DNAJB8: variants seen among roughly 807,000 people sequenced by gnomAD.
DNAJB8 encodes the protein DnaJ heat shock protein family (Hsp40) member B8, also known as dnaJ homolog subfamily B member 8.
For synonymous variants in DNAJB8, 127 were observed against 127.1 expected (o/e 1.00, Z 0.00); for missense variants, 354 against 318.9 (o/e 1.11, Z -0.84).
rs530823225 is a variant in DNAJB8 at position 128,462,479 on chromosome 3, C to T, written c.*68G>A. On this transcript the variant is annotated 3_prime_UTR_variant, in exon 3 of 3. Transcript: ENST00000319153. Reference sequence around the variant, plus strand: ...TTTATTAACCATCAGGCTATGTCTGCGGCCCCACGTGTTTGCTGCCCCATG... The same window carrying T: ...TTTATTAACCATCAGGCTATGTCTGTGGCCCCACGTGTTTGCTGCCCCATG... 3.0e-5 allele frequency: 45 copies of T among 1,487,292 alleles called. No homozygotes were observed. The highest frequency in any genetic ancestry group is 1.3e-4 in the South Asian group (10 of 79,384). The allele number at this position is 1,487,292 out of a possible 1,614,324, so 92.1% of individuals were successfully genotyped here.
rs370064517 is a variant in DNAJB8 at position 128,463,176 on chromosome 3, G to T, written c.70C>A (p.Arg24Ser). ...GGGTGCCAACGAAGGGCCAGCTTGC[G>T]GTAGGCTTTCTTGATGTCCTCCGGG... ...ASPEDIKKAY[R>S]KLALRWHPDK... Residue 24 changes from arginine (R) to serine (S), a missense_variant, in exon 3 of 3, where the codon CGC becomes AGC. Coordinates refer to ENST00000319153, the MANE Select transcript of DNAJB8 (RefSeq NM_153330.6). 9 of 1,614,068 alleles carry T rather than the reference G, an allele frequency of 5.6e-6. No homozygotes were observed. Among genetic ancestry groups the T allele is most frequent in the Non-Finnish European group, 7.6e-6 (9 of 1,180,034 alleles).
chr3:128,463,405 T>A lies in DNAJB8; in HGVS notation c.-160A>T. 1.6e-6 allele frequency: 1 copy of A among 628,668 alleles called. No individual in the cohort carries two copies. Among genetic ancestry groups the A allele is most frequent in the Non-Finnish European group, 2.8e-6 (1 of 360,838 alleles). The allele number at this position is 628,668 out of a possible 1,614,324, so 38.9% of individuals were successfully genotyped here. A position where few individuals can be genotyped will look rare whatever the true frequency, so the allele number is the denominator to read the frequency against. ...CTCTAGGCAAGATTCTGCCCAGGAG[T>A]TCACCTTTTCGTAGTACCAATTCTC... On this transcript the variant is annotated 5_prime_UTR_variant, in exon 3 of 3. Transcript: ENST00000319153.
At position 128,463,396 on chromosome 3, in the gene DNAJB8, G is replaced by GC. The variant is rs930377532; in HGVS notation, c.-152dup. The GC allele has an allele frequency of 2.4e-5, 16 of 659,342 alleles. No individual in the cohort carries two copies. In the African/African-American group the frequency reaches 2.9e-4, roughly 12 times the overall value. The allele number at this position is 659,342 out of a possible 1,614,324, so 40.8% of individuals were successfully genotyped here. A position where few individuals can be genotyped will look rare whatever the true frequency, so the allele number is the denominator to read the frequency against. ...CTCCGCAAGCTCTAGGCAAGATTCT[G>GC]CCCAGGAGTTCACCTTTTCGTAGTA... On this transcript the variant is annotated 5_prime_UTR_variant, in exon 3 of 3. Transcript: ENST00000319153.
rs781035565 is a variant in DNAJB8 at position 128,462,971 on chromosome 3, G to C, written c.275C>G (p.Thr92Ser). The change falls in exon 3 of 3, where the codon ACC (threonine) becomes AGC (serine). Residue 92 changes from threonine to serine, a missense_variant. Transcript: ENST00000319153. The part of the protein sequence containing the change: ...PYHSPFDTGY[T>S]FRNPEDIFRE... ...GAAGATGTCCTCAGGGTTACGGAAG[G>C]TGTAGCCGGTGTCGAAGGGGCTGTG... The C allele has an allele frequency of 5.0e-6, 8 of 1,614,146 alleles. No homozygotes were observed. In the East Asian group the frequency reaches 1.6e-4, roughly 31 times the overall value.
chr3:128,466,540 T>A (rs2068514958), intron 1 of DNAJB8, 74 bp downstream of exon 1: 1 of 152,540 alleles, frequency 6.6e-6, no homozygotes, highest in African/African-American at 2.4e-5. Context: ...CTGGTGTGAG[T>A]GCCGATGGCG....
At chr3:128,464,460 A>T (rs1224740568) in intron 2 of DNAJB8, among the ~76,000 whole-genome samples, 1 of 152,140 alleles carries the variant, frequency 6.6e-6, no homozygotes, top group African/African-American at 2.4e-5. Flanking sequence ...GGGGGAAGAG[A>T]TTTCTTTTGT....
rs36034445 is a variant in DNAJB8 at position 128,462,628 on chromosome 3, G to A, written c.618C>T (p.Arg206=). 23,046 of 1,613,904 alleles carry A rather than the reference G, an allele frequency of 0.014. 219 individuals carry two copies. Among genetic ancestry groups the A allele is most frequent in the Middle Eastern group, 0.045 (273 of 6,062 alleles). ...GCTGCCCGTCTTCCTCCACCTCCAC[G>A]CGCTCCTGCCCGTTCTCCACGATGC... ...TKRIVENGQE[R]VEVEEDGQLK... is the part of the protein sequence containing the mutation. Residue 206 remains arginine (R), a synonymous_variant, in exon 3 of 3, where the codon CGC becomes CGT. Transcript: ENST00000319153.
At position 128,463,120 on chromosome 3, in the gene DNAJB8, C is replaced by T. The variant is rs140270817; in HGVS notation, c.126G>A (p.Ala42=). 1.4e-4 allele frequency: 221 copies of T among 1,614,224 alleles called. 4 individuals carry two copies. The Admixed American group carries it at 2.1e-3, about 16-fold the overall frequency. ...CAGACACCAGCTTGAACTTCTTCTC[C>T]GCCTCCTCCTTATTGTCAGGGTTCT... ...PDKNPDNKEE[A]EKKFKLVSEA... The change falls in exon 3 of 3, where the codon GCG becomes GCA. Residue 42 remains alanine, a synonymous_variant. Coordinates refer to ENST00000319153, the MANE Select transcript of DNAJB8 (RefSeq NM_153330.6).
intron 2 of DNAJB8, among the ~76,000 whole-genome samples, chr3:128,464,944 T>G (rs2068501230): frequency 7.1e-6 from 1 of 140,070 alleles, no homozygotes; most frequent in Non-Finnish European, 1.5e-5. Flanking sequence ...CTCCCTCCCC[T>G]TCCCCCTTCT....
chr3:128,463,320 G>C lies in DNAJB8; in HGVS notation c.-75C>G. The C allele has an allele frequency of 7.2e-7, 1 of 1,380,772 alleles. No individual in the cohort carries two copies. The highest frequency in any genetic ancestry group is 9.9e-7 in the Non-Finnish European group (1 of 1,005,264). The allele number at this position is 1,380,772 out of a possible 1,614,324, so 85.5% of individuals were successfully genotyped here. A position where few individuals can be genotyped will look rare whatever the true frequency, so the allele number is the denominator to read the frequency against. On this transcript the variant is annotated 5_prime_UTR_variant, in exon 3 of 3. Transcript: ENST00000319153. ...CAGGGGCCCAGCTGGTCAGATGGAC[G>C]GGGGAGAAGTGGCCGGTGGTCTGGG...
At position 128,463,276 on chromosome 3, in the gene DNAJB8, C is replaced by T. The variant is rs749498472; in HGVS notation, c.-31G>A. 5.1e-6 allele frequency: 8 copies of T among 1,578,270 alleles called. No individual in the cohort carries two copies. The highest frequency in any genetic ancestry group is 4.7e-5 in the South Asian group (4 of 85,356). Reference sequence around the variant, plus strand: ...GGGGTGTGGGTGAGAGGAGAGGGAACGTGGAGGCCAGGTGGGCGCAGGGGC... The same window carrying T: ...GGGGTGTGGGTGAGAGGAGAGGGAATGTGGAGGCCAGGTGGGCGCAGGGGC... On this transcript the variant is annotated 5_prime_UTR_variant, in exon 3 of 3. Coordinates refer to ENST00000319153, the MANE Select transcript of DNAJB8 (RefSeq NM_153330.6).
At position 128,462,723 on chromosome 3, in the gene DNAJB8, C is replaced by G. The variant is rs1023222584; in HGVS notation, c.523G>C (p.Gly175Arg). The G allele has an allele frequency of 6.2e-7, 1 of 1,613,992 alleles. No homozygotes were observed. Among genetic ancestry groups the G allele is most frequent in the Non-Finnish European group, 8.5e-7 (1 of 1,180,044 alleles). The change falls in exon 3 of 3, where the codon GGC (glycine) becomes CGC (arginine). Residue 175 changes from glycine to arginine, a missense_variant. Physicochemically the swap from Gly to Arg is moderately radical, Grantham distance 125. Transcript: ENST00000319153. ...SSTSFGGSSS[G>R]SSGFKSVMSS... ...ATCACCGACTTGAACCCCGAGCTGC[C>G]AGAACTGGAGCCCCCGAAGGAGGTG...
chr3:128,463,286 A>C lies in DNAJB8; in HGVS notation c.-41T>G, dbSNP rs774544557. 8 of 1,555,690 alleles carry C rather than the reference A, an allele frequency of 5.1e-6. No individual in the cohort carries two copies. The highest frequency in any genetic ancestry group is 7.0e-6 in the Non-Finnish European group (8 of 1,144,570). ...TGAGAGGAGAGGGAACGTGGAGGCC[A>C]GGTGGGCGCAGGGGCCCAGCTGGTC... is the stretch of plus-strand genomic sequence containing the variant. On this transcript the variant is annotated 5_prime_UTR_variant, in exon 3 of 3. Coordinates refer to ENST00000319153, the MANE Select transcript of DNAJB8 (RefSeq NM_153330.6).
rs1190256992 is a variant in DNAJB8 at position 128,465,281 on chromosome 3, C to G, written c.-871G>C. Reference sequence around the variant, plus strand: ...CATGCTGGGCATCCACCCACCTACACCTGCTGACACATGTGGCTTAGCAGA... The same window carrying G: ...CATGCTGGGCATCCACCCACCTACAGCTGCTGACACATGTGGCTTAGCAGA... On this transcript the variant is annotated 5_prime_UTR_variant, in exon 2 of 3. Transcript: ENST00000319153. 6.6e-6 allele frequency: 1 copy of G among 152,328 alleles called. No individual in the cohort carries two copies. Among genetic ancestry groups the G allele is most frequent in the Non-Finnish European group, 1.5e-5 (1 of 68,066 alleles). 9.4% of individuals were successfully genotyped at this position (152,328 alleles called of 1,614,324 possible). A position where few individuals can be genotyped will look rare whatever the true frequency, so the allele number is the denominator to read the frequency against.
At position 128,462,974 on chromosome 3, in the gene DNAJB8, T is replaced by G. The variant is rs1576734194; in HGVS notation, c.272A>C (p.Tyr91Ser). Reference sequence around the variant, plus strand: ...GATGTCCTCAGGGTTACGGAAGGTGTAGCCGGTGTCGAAGGGGCTGTGGTA... The same window carrying G: ...GATGTCCTCAGGGTTACGGAAGGTGGAGCCGGTGTCGAAGGGGCTGTGGTA... ...TPYHSPFDTG[Y>S]TFRNPEDIFR... Residue 91 changes from tyrosine to serine, a missense_variant, in exon 3 of 3, where the codon TAC (tyrosine) becomes TCC (serine). Physicochemically the swap from Tyr to Ser is moderately radical, Grantham distance 144. Coordinates refer to ENST00000319153, the MANE Select transcript of DNAJB8 (RefSeq NM_153330.6). 3.7e-6 allele frequency: 6 copies of G among 1,614,096 alleles called. No homozygotes were observed. The highest frequency in any genetic ancestry group is 5.1e-6 in the Non-Finnish European group (6 of 1,180,010).
In DNAJB8 at chr3:128,466,885, G is replaced by A. The variant is rs766984692; in HGVS notation, c.-1298C>T. 1 of 152,224 alleles carries A rather than the reference G, an allele frequency of 6.6e-6. No homozygotes were observed. Among genetic ancestry groups the A allele is most frequent in the Non-Finnish European group, 1.5e-5 (1 of 68,042 alleles). 9.4% of individuals were successfully genotyped at this position (152,224 alleles called of 1,614,324 possible). A position where few individuals can be genotyped will look rare whatever the true frequency, so the allele number is the denominator to read the frequency against. On this transcript the variant is annotated 5_prime_UTR_variant, in exon 1 of 3. Transcript: ENST00000319153. ...GCAGCTCCCAGGCAAGCTCTAGAGA[G>A]CCGCTCACCTGGGAGCTGCAGGTGA...
Position 128,466,815 on chromosome 3 carries a change from C to G in DNAJB8, c.-1228G>C, listed in dbSNP as rs1262506238. The G allele has an allele frequency of 6.6e-6, 1 of 152,182 alleles. No individual in the cohort carries two copies. The highest frequency in any genetic ancestry group is 1.5e-5 in the Non-Finnish European group (1 of 68,038). 9.4% of individuals were successfully genotyped at this position (152,182 alleles called of 1,614,324 possible). A position where few individuals can be genotyped will look rare whatever the true frequency, so the allele number is the denominator to read the frequency against. ...GAAGACCCTGCTTCTGAGCCACAGG[C>G]TGAGGCATGGATGGGGAGCTTCCTG... On this transcript the variant is annotated 5_prime_UTR_variant, in exon 1 of 3. Transcript: ENST00000319153.
At position 128,462,979 on chromosome 3, in the gene DNAJB8, G is replaced by A. The variant is rs150389103; in HGVS notation, c.267C>T (p.Thr89=). 1.1e-5 allele frequency: 18 copies of A among 1,614,186 alleles called. No homozygotes were observed. Among genetic ancestry groups the A allele is most frequent in the South Asian group, 5.5e-5 (5 of 91,080 alleles). ...CCTCAGGGTTACGGAAGGTGTAGCC[G>A]GTGTCGAAGGGGCTGTGGTAGGGCG... ...ASTPYHSPFD[T]GYTFRNPEDI... The change falls in exon 3 of 3, where the codon ACC becomes ACT. Residue 89 remains threonine, a synonymous_variant. Transcript: ENST00000319153.
intron 2 of DNAJB8, 26 bp downstream of exon 2, chr3:128,465,250 C>A (rs1424057307): frequency 6.6e-6 from 1 of 152,280 alleles, no homozygotes; most frequent in Non-Finnish European, 1.5e-5. Flanking sequence ...GCACGACTCG[C>A]ACCCCCATGC....
Sources: allele counts gnomAD v4.1 joint callset (sites outside exome capture counted in the v4.1 genomes callset), GRCh38; gene constraint gnomAD v4.1.1; transcripts MANE v1.5; gene names NCBI Gene and HGNC (gene_info 2026-07-23, HGNC 2026-07-21).